PCDHGB3: variants seen among roughly 807,000 people sequenced by gnomAD.
PCDHGB3 encodes protocadherin gamma-B3.
Under a neutral mutation model 59.2 loss-of-function variants are expected in PCDHGB3, and 40 were observed. The observed-to-expected ratio is 0.68, with a 90% CI of 0.52 to 0.88. The LOEUF is 0.88. PCDHGB3 is among the 40% of genes least tolerant of loss of function. The probability of loss-of-function intolerance (pLI) is 0.00; values close to 1 mark genes in which losing one functional copy is unlikely to be tolerated. For synonymous variants in PCDHGB3, 581 were observed against 503.6 expected (o/e 1.15, Z -2.06); for missense variants, 1,309 against 1,187.9 (o/e 1.10, Z -1.50).
intron 1 of PCDHGB3, among the ~76,000 whole-genome samples, chr5:141,373,570 G>C (rs1011552232): frequency 1.3e-5 from 2 of 152,200 alleles, no homozygotes; most frequent in Non-Finnish European, 1.5e-5. Context: ...AATGGGACTA[G>C]CATAAATGGT....
In PCDHGB3 at chr5:141,486,288, T is replaced by G. The variant is rs1181533037; in HGVS notation, c.2416-8519T>G. ...GAACCTGGCACTGTGGTGGCACTTA[T>G]CAGTGTGCAGGATCCAGACTCAGGG... On this transcript the variant is annotated intron_variant, in intron 1 of 3. Transcript: ENST00000576222. This position sits in a 1 kb window ranked among gnomAD's most constrained non-coding sequence, Gnocchi z 5.0. The G allele has an allele frequency of 6.2e-7, 1 of 1,613,996 alleles. No individual in the cohort carries two copies. The highest frequency in any genetic ancestry group is 1.7e-5 in the Admixed American group (1 of 60,000).
chr5:141,383,462 A>G (rs2072315), intron 1 of PCDHGB3: 731,761 of 1,613,122 alleles, frequency 0.45, 173,214 homozygotes, highest in African/African-American at 0.81. Flanking sequence ...GGAGACGATG[A>G]AACTAAGTAC....
intron 1 of PCDHGB3, among the ~76,000 whole-genome samples, chr5:141,480,720 G>C (rs2099524423): frequency 6.6e-6 from 1 of 152,146 alleles, no homozygotes; most frequent in Non-Finnish European, 1.5e-5. Context: ...TGAAAGCACA[G>C]TCTCTGGGGG....
chr5:141,429,169 TACACACACACACACACACAC>T (rs10667977), intron 1 of PCDHGB3: 4 of 145,394 alleles, frequency 2.8e-5, no homozygotes, highest in Non-Finnish European at 6.0e-5. Flanking sequence ...ACATTGTTTA[TACACACACACACACACACAC>T]ACACACACAC....
intron 1 of PCDHGB3, among the ~76,000 whole-genome samples, chr5:141,397,616 T>G (rs918214976): frequency 2.0e-5 from 3 of 152,194 alleles, no homozygotes; most frequent in Non-Finnish European, 4.4e-5. Context: ...AGGGCAATAC[T>G]TAGTTCTAGC....
chr5:141,468,093 G>C (rs1319825848), intron 1 of PCDHGB3, among the ~76,000 whole-genome samples: 2 of 152,112 alleles, frequency 1.3e-5, no homozygotes, highest in Non-Finnish European at 2.9e-5. Flanking sequence ...GGGAGGTTGA[G>C]GCAGGCAGAT....
chr5:141,372,392 T>C lies in PCDHGB3; in HGVS notation c.1998T>C (p.Asp666=), dbSNP rs1768728273. The change falls in exon 1 of 4, where the codon GAT becomes GAC. Residue 666 remains aspartate, a synonymous_variant. Transcript: ENST00000576222. ...TCATGCTGCACCTAATCTTCGCAGA[T>C]AGCTTGCAAGAGATACAACCTGACC... The part of the protein sequence containing the change: ...ATVMLHLIFA[D]SLQEIQPDLS... 25 of 1,614,052 alleles carry C rather than the reference T, an allele frequency of 1.5e-5. No homozygotes were observed. Among genetic ancestry groups the C allele is most frequent in the Non-Finnish European group, 2.1e-5 (25 of 1,179,908 alleles).
intron 1 of PCDHGB3, chr5:141,441,894 G>T: frequency 2.9e-6 from 1 of 347,862 alleles, no homozygotes; most frequent in Non-Finnish European, 5.6e-6. Context: ...CCAAGGTGGT[G>T]GCTGTAGACG....
intron 1 of PCDHGB3, among the ~76,000 whole-genome samples, chr5:141,445,668 G>C (rs899062385): frequency 6.6e-6 from 1 of 152,156 alleles, no homozygotes; most frequent in Non-Finnish European, 1.5e-5. Flanking sequence ...ATGAGTAGAA[G>C]TTATCTAGGT....
At position 141,423,482 on chromosome 5, in the gene PCDHGB3, A is replaced by T. The variant is rs553914622; in HGVS notation, c.2415+50673A>T. On this transcript the variant is annotated intron_variant, in intron 1 of 3. Transcript: ENST00000576222. ...GTGGACGGGGTACAGGCTTTCCTGC[A>T]AACCTATTCCCACGAGGTCTCTCTC... is the stretch of plus-strand genomic sequence containing the variant. 1.1e-5 allele frequency: 17 copies of T among 1,613,968 alleles called. No homozygotes were observed. The African/African-American group carries it at 2.3e-4, about 22-fold the overall frequency.
In PCDHGB3 at chr5:141,409,653, A is replaced by G. The variant is rs763812886; in HGVS notation, c.2415+36844A>G. 10 of 1,613,542 alleles carry G rather than the reference A, an allele frequency of 6.2e-6. No homozygotes were observed. The East Asian group carries it at 8.9e-5, about 14-fold the overall frequency. ...GCCTCTGACCCGGATTTGGGGCTCAATGGCCACATCTCCTACTCTATAGTG... is the reference window on the plus strand; with the variant it reads ...GCCTCTGACCCGGATTTGGGGCTCAGTGGCCACATCTCCTACTCTATAGTG... On this transcript the variant is annotated intron_variant, in intron 1 of 3. Transcript: ENST00000576222.
chr5:141,467,476 G>C (rs114088806), intron 1 of PCDHGB3, among the ~76,000 whole-genome samples: 1,866 of 152,156 alleles, frequency 0.012, 41 homozygotes, highest in African/African-American at 0.043. Flanking sequence ...CATGGTTTTT[G>C]GTTTCCACAT....
chr5:141,432,264 C>A lies in PCDHGB3; in HGVS notation c.2415+59455C>A. On this transcript the variant is annotated intron_variant, in intron 1 of 3. Transcript: ENST00000576222. The surrounding 1 kb of genome is among the most constrained non-coding windows in gnomAD (Gnocchi z 6.0). Reference sequence around the variant, plus strand: ...AACACCATCCAAGGGGCAAGCCTATCGTCCTACGTGTCCATCAACTCCGAC... The same window carrying A: ...AACACCATCCAAGGGGCAAGCCTATAGTCCTACGTGTCCATCAACTCCGAC... 5 of 1,614,252 alleles carry A rather than the reference C, an allele frequency of 3.1e-6. No homozygotes were observed. Among genetic ancestry groups the A allele is most frequent in the Non-Finnish European group, 4.2e-6 (5 of 1,180,044 alleles).
chr5:141,462,774 A>G (rs890366708), intron 1 of PCDHGB3, among the ~76,000 whole-genome samples: 1 of 152,126 alleles, frequency 6.6e-6, no homozygotes, highest in Admixed American at 6.6e-5. Context: ...GCTTGGGGTC[A>G]TAATTTGTTG....
At chr5:141,441,849 G>A (rs1192040398) in intron 1 of PCDHGB3, 2 of 345,448 alleles carry the variant, frequency 5.8e-6, no homozygotes, top group Non-Finnish European at 1.1e-5. Context: ...TCTTGGATAT[G>A]GTGCTGCACG....
At chr5:141,478,567 C>A in intron 1 of PCDHGB3, 1 of 1,593,812 alleles carries the variant, frequency 6.3e-7, no homozygotes, top group Non-Finnish European at 8.6e-7. Flanking sequence ...GCAAGTCATG[C>A]TTGACCCTGT....
chr5:141,393,134 C>T (rs755308269), intron 1 of PCDHGB3: 2 of 1,613,390 alleles, frequency 1.2e-6, no homozygotes, highest in South Asian at 2.2e-5. Flanking sequence ...TAAATATTAA[C>T]ACCCTGGTTG....
At chr5:141,395,179 A>G in intron 1 of PCDHGB3, 1 of 1,614,164 alleles carries the variant, frequency 6.2e-7, no homozygotes, top group Non-Finnish European at 8.5e-7. Flanking sequence ...GAGAAAAATG[A>G]TTCTTTGTTA....
intron 1 of PCDHGB3, chr5:141,395,096 C>G (rs769366827): frequency 5.6e-6 from 9 of 1,614,186 alleles, no homozygotes; most frequent in Middle Eastern, 1.6e-4. Flanking sequence ...CCCTCACCGC[C>G]GACTCGCGGA....
Sources: allele counts gnomAD v4.1 joint callset (sites outside exome capture counted in the v4.1 genomes callset), GRCh38; gene constraint gnomAD v4.1.1; non-coding constraint Gnocchi (gnomAD v3.1); transcripts MANE v1.5; gene names NCBI Gene and HGNC (gene_info 2026-07-23, HGNC 2026-07-21).